Variants in KPNA3 observed in about 807,000 individuals in gnomAD.
KPNA3 encodes the protein karyopherin subunit alpha 3.
Under a neutral mutation model 73.8 loss-of-function variants are expected in KPNA3, and 13 were observed. That is an observed-to-expected ratio of 0.18 (90% CI 0.11 to 0.28). The LOEUF (loss-of-function observed/expected upper bound fraction) is 0.28, where lower values mean the gene tolerates loss of function less well. Ranked by LOEUF, KPNA3 falls within the 10% of genes least tolerant of loss-of-function variation. The pLI, the probability that KPNA3 is intolerant of heterozygous loss-of-function variation, is 1.00. For missense variants in KPNA3, 360 were observed against 618.1 expected (o/e 0.58, Z 4.43); for synonymous variants, 186 against 206.9 (o/e 0.90, Z 0.87).
chr13:49,787,578 C>A (rs1954993870), intron 1 of KPNA3, among the ~76,000 whole-genome samples: 1 of 152,168 alleles, frequency 6.6e-6, no homozygotes, highest in Non-Finnish European at 1.5e-5. Context: ...ATGACCACAG[C>A]TCATTGTAAC....
intron 2 of KPNA3, among the ~76,000 whole-genome samples, chr13:49,743,311 A>C (rs1342487486): frequency 6.6e-6 from 1 of 152,160 alleles, no homozygotes; most frequent in African/African-American, 2.4e-5. Flanking sequence ...AATCAGGGAC[A>C]GATACTCTGA....
At chr13:49,785,069 A>C (rs1954970907) in intron 1 of KPNA3, among the ~76,000 whole-genome samples, 1 of 152,028 alleles carries the variant, frequency 6.6e-6, no homozygotes, top group Non-Finnish European at 1.5e-5. Context: ...TAGAAATAGC[A>C]CTGGCGAGGA....
At chr13:49,719,729 TC>T in intron 10 of KPNA3, 45 bp downstream of exon 10, 1 of 1,319,756 alleles carries the variant, frequency 7.6e-7, no homozygotes, top group South Asian at 1.2e-5. Flanking sequence ...ACCCTTTCTG[TC>T]CCATCAAGAG....
intron 1 of KPNA3, among the ~76,000 whole-genome samples, chr13:49,750,943 G>A (rs1318051239): frequency 1.3e-5 from 2 of 152,092 alleles, no homozygotes; most frequent in African/African-American, 2.4e-5. Context: ...CATGAGCCAC[G>A]AGTGGGCCAC....
chr13:49,732,502 T>A, intron 5 of KPNA3, 36 bp from the exon 6 acceptor site: 1 of 1,491,662 alleles, frequency 6.7e-7, no homozygotes. Context: ...ATTGCTATAA[T>A]TTTCAAACTG....
intron 9 of KPNA3, among the ~76,000 whole-genome samples, chr13:49,721,571 G>A (rs1954358667): frequency 1.3e-5 from 2 of 152,192 alleles, no homozygotes; most frequent in African/African-American, 4.8e-5. Context: ...TGTCATCCCA[G>A]CACTTTGGGA....
At chr13:49,759,587 G>A (rs1954741103) in intron 1 of KPNA3, among the ~76,000 whole-genome samples, 1 of 152,168 alleles carries the variant, frequency 6.6e-6, no homozygotes, top group Admixed American at 6.5e-5. Context: ...GATGGGAGAT[G>A]GTGACAGATC....
intron 1 of KPNA3, among the ~76,000 whole-genome samples, chr13:49,782,590 C>A (rs888635565): frequency 1.3e-5 from 2 of 152,004 alleles, no homozygotes; most frequent in African/African-American, 4.8e-5. Context: ...GTAGAAAATA[C>A]TAAATAGGCT....
At chr13:49,754,899 C>T (rs1349932077) in intron 1 of KPNA3, among the ~76,000 whole-genome samples, 3 of 152,076 alleles carry the variant, frequency 2.0e-5, no homozygotes, top group Non-Finnish European at 4.4e-5. Context: ...TAAAACTTCC[C>T]TTCAGGGTTT....
chr13:49,765,641 T>C (rs1270150106), intron 1 of KPNA3, among the ~76,000 whole-genome samples: 1 of 152,190 alleles, frequency 6.6e-6, no homozygotes, highest in Non-Finnish European at 1.5e-5. Context: ...TGGCCTATAT[T>C]TTCATCACTA....
rs577541570 is a variant in KPNA3 at position 49,700,154 on chromosome 13, C to G, written c.*1646G>C. 3.3e-5 allele frequency: 5 copies of G among 152,726 alleles called. No individual in the cohort carries two copies. The South Asian group carries it at 1.0e-3, about 32-fold the overall frequency. 9.5% of individuals were successfully genotyped at this position (152,726 alleles called of 1,614,324 possible). ...CACTTTAGATACAAGACAAAACTCA[C>G]TCTTTAAAGTGGCTCCACCTTGGCA... is the stretch of plus-strand genomic sequence containing the variant. On this transcript the variant is annotated 3_prime_UTR_variant, in exon 17 of 17. Coordinates refer to ENST00000261667, the MANE Select transcript of KPNA3 (RefSeq NM_002267.4).
At chr13:49,731,275 G>T (rs186917818) in intron 6 of KPNA3, among the ~76,000 whole-genome samples, 1 of 120,338 alleles carries the variant, frequency 8.3e-6, no homozygotes, top group South Asian at 2.9e-4. Flanking sequence ...TTTTTGTAGA[G>T]CTGGGATGTT....
At position 49,701,713 on chromosome 13, in the gene KPNA3, C is replaced by T. The variant is rs920370786; in HGVS notation, c.*87G>A. On this transcript the variant is annotated 3_prime_UTR_variant, in exon 17 of 17. Transcript: ENST00000261667. ...ACAAAGAGGCATGTGTGTTTTGGAG[C>T]CTTTTGTTGCTGTTGTTCTTATCAT... The T allele has an allele frequency of 9.4e-6, 8 of 851,492 alleles. No homozygotes were observed. Among genetic ancestry groups the T allele is most frequent in the Non-Finnish European group, 1.6e-5 (8 of 489,310 alleles). 52.7% of individuals were successfully genotyped at this position (851,492 alleles called of 1,614,324 possible). A position where few individuals can be genotyped will look rare whatever the true frequency, so the allele number is the denominator to read the frequency against.
chr13:49,732,089 TA>T (rs1216468285), intron 6 of KPNA3, among the ~76,000 whole-genome samples: 3 of 151,960 alleles, frequency 2.0e-5, no homozygotes, highest in Non-Finnish European at 2.9e-5. Flanking sequence ...ATATTAGTAA[TA>T]AAAAATCCTA....
At chr13:49,787,267 G>A (rs997634363) in intron 1 of KPNA3, among the ~76,000 whole-genome samples, 9 of 152,232 alleles carry the variant, frequency 5.9e-5, no homozygotes, top group Admixed American at 1.3e-4. Context: ...GCTCCTTGCT[G>A]ATAAGAAGGA....
intron 1 of KPNA3, among the ~76,000 whole-genome samples, chr13:49,775,406 G>A (rs1954889953): frequency 6.6e-6 from 1 of 151,926 alleles, no homozygotes; most frequent in Non-Finnish European, 1.5e-5. Flanking sequence ...GCCACCCCTA[G>A]GGCAGCACAC....
chr13:49,728,340 CAGA>C (rs1439033515), intron 6 of KPNA3, among the ~76,000 whole-genome samples: 1 of 151,808 alleles, frequency 6.6e-6, no homozygotes, highest in Admixed American at 6.6e-5. Flanking sequence ...CGTGCCCTAA[CAGA>C]AGATGATTGC....
intron 2 of KPNA3, among the ~76,000 whole-genome samples, chr13:49,738,891 G>A (rs997876743): frequency 3.3e-5 from 5 of 152,146 alleles, no homozygotes; most frequent in African/African-American, 1.2e-4. Context: ...CAGTTATGAT[G>A]GACTTCCTCA....
intron 1 of KPNA3, among the ~76,000 whole-genome samples, chr13:49,769,111 T>C (rs1051102483): frequency 3.3e-5 from 5 of 152,090 alleles, no homozygotes; most frequent in Non-Finnish European, 5.9e-5. Flanking sequence ...TTAATGTATT[T>C]TGTCCAGATA....
Sources: gnomAD v4.1 joint callset for allele counts (sites outside exome capture counted in the v4.1 genomes callset) on GRCh38, gnomAD v4.1.1 for gene constraint, MANE v1.5 for transcripts, NCBI Gene and HGNC (gene_info 2026-07-23, HGNC 2026-07-21) for gene names.